ANXA8: variants seen among roughly 807,000 people sequenced by gnomAD.
The protein encoded by ANXA8 is VAC-beta.
Under a neutral mutation model 26.8 loss-of-function variants are expected in ANXA8, and 9 were observed. That is an observed-to-expected ratio of 0.34 (90% CI 0.20 to 0.59). The LOEUF (loss-of-function observed/expected upper bound fraction) is 0.59. Ranked by LOEUF, ANXA8 falls within the 20% of genes least tolerant of loss-of-function variation. The pLI is 0.84. For synonymous variants in ANXA8, 39 were observed against 94.8 expected (o/e 0.41, Z 3.42); for missense variants, 83 against 238.5 (o/e 0.35, Z 4.29).
At chr10:47,731,234 CT>C in the ANXA8 span, among the ~76,000 whole-genome samples, 1 of 151,688 alleles carries the variant, frequency 6.6e-6, no homozygotes, top group South Asian at 2.1e-4. Flanking sequence ...TTCTTTTACC[CT>C]GTGTATGTTT....
the ANXA8 span, among the ~76,000 whole-genome samples, chr10:47,546,675 G>T: frequency 3.0e-5 from 4 of 134,318 alleles, no homozygotes; most frequent in African/African-American, 1.1e-4. Context: ...GAAGTGCTGG[G>T]ATTACAGGCG....
the ANXA8 span, among the ~76,000 whole-genome samples, chr10:47,982,822 A>ATATATATATG: frequency 1.5e-5 from 1 of 68,282 alleles, no homozygotes; most frequent in Non-Finnish European, 3.0e-5. Context: ...ATATATATAT[A>ATATATATATG]TATATATATA....
At chr10:47,945,987 A>G in the ANXA8 span, among the ~76,000 whole-genome samples, 3 of 130,610 alleles carry the variant, frequency 2.3e-5, no homozygotes, top group Non-Finnish European at 4.7e-5. Context: ...TTCTGGCTAC[A>G]CTGGGGAAAA....
At chr10:47,732,769 T>C in the ANXA8 span, among the ~76,000 whole-genome samples, 1 of 145,396 alleles carries the variant, frequency 6.9e-6, no homozygotes, top group South Asian at 2.2e-4. Flanking sequence ...GATCATCAAA[T>C]GAGTTGACAA....
At chr10:47,937,108 T>G in the ANXA8 span, among the ~76,000 whole-genome samples, 5 of 149,978 alleles carry the variant, frequency 3.3e-5, no homozygotes, top group South Asian at 1.1e-3. Flanking sequence ...AGTCCTCCTC[T>G]CGCCGCCCAG....
At chr10:47,898,541 A>AACTTT in the ANXA8 span, among the ~76,000 whole-genome samples, 10,141 of 15,108 alleles carry the variant, frequency 0.67, 2,929 homozygotes, top group African/African-American at 0.77. Context: ...GGCATATTAT[A>AACTTT]ACTTTAGAAA....
chr10:47,658,153 A>C, the ANXA8 span, among the ~76,000 whole-genome samples: 15 of 151,862 alleles, frequency 9.9e-5, no homozygotes, highest in African/African-American at 3.6e-4. Context: ...GTGGATCACG[A>C]GATCAAGAGA....
chr10:47,620,588 T>C, the ANXA8 span, among the ~76,000 whole-genome samples: 3 of 101,284 alleles, frequency 3.0e-5, 1 homozygote, highest in Admixed American at 3.1e-4. Flanking sequence ...TATTTACTGA[T>C]TTGATTAACT....
the ANXA8 span, among the ~76,000 whole-genome samples, chr10:47,648,973 T>C: frequency 1.2e-5 from 1 of 86,228 alleles, no homozygotes; most frequent in Non-Finnish European, 2.1e-5. Flanking sequence ...TTTATAAGAT[T>C]AATATATCTA....
chr10:47,952,068 C>CT, the ANXA8 span, among the ~76,000 whole-genome samples: 111 of 150,568 alleles, frequency 7.4e-4, 8 homozygotes, highest in East Asian at 0.02. Flanking sequence ...TCACGATGTA[C>CT]TTTTTTTTAA....
chr10:47,957,968 G>A, the ANXA8 span, among the ~76,000 whole-genome samples: 29 of 150,664 alleles, frequency 1.9e-4, no homozygotes, highest in African/African-American at 6.4e-4. Context: ...GAACTTACCC[G>A]AAGATCCTTA....
At chr10:47,649,563 C>T in the ANXA8 span, among the ~76,000 whole-genome samples, 2 of 151,282 alleles carry the variant, frequency 1.3e-5, no homozygotes, top group Non-Finnish European at 2.9e-5. Flanking sequence ...CACGCACCAC[C>T]ACGCCCGGCT....
At chr10:47,553,407 C>G in the ANXA8 span, 1 of 156,448 alleles carries the variant, frequency 6.4e-6, no homozygotes, top group Non-Finnish European at 1.4e-5. Context: ...CCCATGCGCA[C>G]GACTCGCGAT....
chr10:47,962,809 C>T, the ANXA8 span, among the ~76,000 whole-genome samples: 1 of 144,138 alleles, frequency 6.9e-6, no homozygotes, highest in South Asian at 2.4e-4. Context: ...CTCTGACACG[C>T]AGCCCCTCCT....
intron 1 of ANXA8, among the ~76,000 whole-genome samples, chr10:47,481,353 G>GT (rs1839784365): frequency 9.4e-6 from 1 of 106,474 alleles, no homozygotes; most frequent in South Asian, 3.1e-4. Flanking sequence ...TACACAGCTA[G>GT]TAAGTGATGC....
At chr10:47,742,990 T>TAAAAAAAAAA in the ANXA8 span, among the ~76,000 whole-genome samples, 1 of 91,498 alleles carries the variant, frequency 1.1e-5, no homozygotes, top group Non-Finnish European at 2.2e-5. Flanking sequence ...CCGTCTCTAC[T>TAAAAAAAAAA]AAAAAAAAAA....
At chr10:47,727,434 C>T in the ANXA8 span, among the ~76,000 whole-genome samples, 3 of 152,164 alleles carry the variant, frequency 2.0e-5, no homozygotes, top group Admixed American at 2.0e-4. Context: ...TAATCTGGTT[C>T]TGTGATTGCT....
the ANXA8 span, among the ~76,000 whole-genome samples, chr10:47,572,685 C>A: frequency 4.4e-5 from 6 of 137,164 alleles, no homozygotes; most frequent in Non-Finnish European, 7.8e-5. Context: ...CCGTTGTACT[C>A]CAGCCTGGGC....
At chr10:47,627,401 A>G in the ANXA8 span, among the ~76,000 whole-genome samples, 16 of 150,362 alleles carry the variant, frequency 1.1e-4, no homozygotes, top group Admixed American at 3.9e-4. Context: ...AAACTGTGAT[A>G]AAGAGTGTCA....
Sources: allele counts gnomAD v4.1 joint callset (sites outside exome capture counted in the v4.1 genomes callset), GRCh38; gene constraint gnomAD v4.1.1; transcripts MANE v1.5; gene names NCBI Gene and HGNC (gene_info 2026-07-23, HGNC 2026-07-21).